Variants in PCDH17 observed in about 807,000 individuals in gnomAD.
The protein encoded by PCDH17 is protocadherin 17.
Under a neutral mutation model 67.7 loss-of-function variants are expected in PCDH17, and 21 were observed. The observed-to-expected ratio is 0.31, with a 90% CI of 0.22 to 0.45. The LOEUF (loss-of-function observed/expected upper bound fraction) is 0.45, where lower values mean the gene tolerates loss of function less well. Among genes scored for constraint, PCDH17 ranks in the 20% least tolerant of loss-of-function variants. The probability of loss-of-function intolerance (pLI) is 1.00; values close to 1 mark genes in which losing one functional copy is unlikely to be tolerated. For missense variants in PCDH17, 1,471 were observed against 1,564.8 expected (o/e 0.94, Z 1.01); for synonymous variants, 701 against 656.7 (o/e 1.07, Z -1.03).
In PCDH17 at chr13:57,724,907, G is replaced by C. The variant is rs1247269241; in HGVS notation, c.3093G>C (p.Glu1031Asp). The change falls in exon 4 of 4, where the codon GAG becomes GAC. Residue 1031 changes from glutamate (E) to aspartate (D), a missense_variant. This residue lies in a region of PCDH17 where 297 missense variants were observed against 298.6 expected (regional missense o/e 0.99). Transcript: ENST00000377918. ...GTGCCCTGAGCCCTCTCCTCCAAGA[G>C]GTCCCCTCAGCATCAAGCAGCCCAA... ...AKRALSPLLQ[E>D]VPSASSSPTK... 1.9e-6 allele frequency: 3 copies of C among 1,614,166 alleles called. No homozygotes were observed. The highest frequency in any genetic ancestry group is 2.5e-6 in the Non-Finnish European group (3 of 1,180,024).
chr13:57,718,294 AT>A (rs1219147695), intron 3 of PCDH17, among the ~76,000 whole-genome samples: 5 of 152,072 alleles, frequency 3.3e-5, no homozygotes, highest in African/African-American at 7.2e-5. Context: ...ATTCCAGGAA[AT>A]TTGTAATATT....
chr13:57,704,480 A>T (rs1160301314), intron 3 of PCDH17, among the ~76,000 whole-genome samples: 1 of 151,728 alleles, frequency 6.6e-6, no homozygotes, highest in Non-Finnish European at 1.5e-5. Flanking sequence ...CATCATAATG[A>T]TTGATAGATA....
At chr13:57,647,276 C>T (rs565047167) in intron 1 of PCDH17, among the ~76,000 whole-genome samples, 1 of 151,714 alleles carries the variant, frequency 6.6e-6, no homozygotes, top group African/African-American at 2.4e-5. Flanking sequence ...GAAGTATTAT[C>T]CAAAATACAT....
chr13:57,678,182 T>C (rs1372822210), intron 3 of PCDH17, among the ~76,000 whole-genome samples: 2 of 151,560 alleles, frequency 1.3e-5, no homozygotes, highest in African/African-American at 4.8e-5. Flanking sequence ...TCATATTGTA[T>C]ATGATAAATA....
intron 3 of PCDH17, among the ~76,000 whole-genome samples, chr13:57,673,905 T>C (rs1281113001): frequency 1.3e-5 from 2 of 151,848 alleles, no homozygotes; most frequent in East Asian, 3.9e-4. Context: ...GTTTTCTGGA[T>C]AAAGTGTTTC....
At chr13:57,635,370 T>G (rs1157267750) in intron 1 of PCDH17, among the ~76,000 whole-genome samples, 1 of 152,224 alleles carries the variant, frequency 6.6e-6, no homozygotes, top group African/African-American at 2.4e-5. Flanking sequence ...TTTAAAAATG[T>G]TAGCAGTGTT....
intron 1 of PCDH17, among the ~76,000 whole-genome samples, chr13:57,648,814 A>G (rs1954999941): frequency 6.6e-6 from 1 of 152,034 alleles, no homozygotes; most frequent in Admixed American, 6.6e-5. Flanking sequence ...GAAACTATTT[A>G]GTATTTCAGG....
intron 3 of PCDH17, among the ~76,000 whole-genome samples, chr13:57,672,384 G>T (rs1432733094): frequency 1.3e-5 from 2 of 151,998 alleles, no homozygotes; most frequent in East Asian, 1.9e-4. Context: ...TAGAGGTAAG[G>T]GTGGGGGAGG....
At chr13:57,719,038 G>A (rs1460660240) in intron 3 of PCDH17, among the ~76,000 whole-genome samples, 2 of 151,994 alleles carry the variant, frequency 1.3e-5, no homozygotes, top group Non-Finnish European at 2.9e-5. Context: ...CAGAACACTT[G>A]TGCAGACCGT....
At chr13:57,666,964 G>T (rs1206193746) in intron 3 of PCDH17, 131 bp downstream of exon 3, 1 of 691,104 alleles carries the variant, frequency 1.4e-6, no homozygotes, top group East Asian at 3.2e-5. Context: ...AGCAAATCTT[G>T]AGGTTGCCCC....
chr13:57,652,664 A>T (rs575209624), intron 1 of PCDH17, among the ~76,000 whole-genome samples: 1 of 152,352 alleles, frequency 6.6e-6, no homozygotes, highest in Admixed American at 6.5e-5. Context: ...TTGGATGCGT[A>T]CAATTGCTTC....
At chr13:57,648,775 G>A (rs1171492349) in intron 1 of PCDH17, among the ~76,000 whole-genome samples, 1 of 151,842 alleles carries the variant, frequency 6.6e-6, no homozygotes, top group Non-Finnish European at 1.5e-5. Context: ...CTAAAATCAC[G>A]TACCATGATA....
chr13:57,685,884 A>G (rs1470428044), intron 3 of PCDH17, among the ~76,000 whole-genome samples: 3 of 151,884 alleles, frequency 2.0e-5, no homozygotes, highest in African/African-American at 7.2e-5. Context: ...GCAGGAGTTC[A>G]AGACCAACCT....
intron 1 of PCDH17, among the ~76,000 whole-genome samples, chr13:57,657,663 G>C (rs1955123150): frequency 6.6e-6 from 1 of 152,212 alleles, no homozygotes; most frequent in Non-Finnish European, 1.5e-5. Context: ...GTGAAAAGCA[G>C]TGGCTTTGAA....
Position 57,633,667 on chromosome 13 carries a change from T to G in PCDH17, c.1121T>G (p.Val374Gly). ...AAPPGTVIAL[V>G]RVTDRDSGKN... Reference sequence around the variant, plus strand: ...CCTCCCGGCACCGTCATCGCCCTGGTGCGGGTCACTGACCGGGACTCTGGC... The same window carrying G: ...CCTCCCGGCACCGTCATCGCCCTGGGGCGGGTCACTGACCGGGACTCTGGC... Residue 374 changes from valine (V) to glycine (G), a missense_variant, in exon 1 of 4, where the codon GTG becomes GGG. Val to Gly is a moderately radical substitution (Grantham distance 109). This residue lies in a region of PCDH17 where 1,163 missense variants were observed against 1,230.0 expected (regional missense o/e 0.95). Transcript: ENST00000377918. The surrounding 1 kb of genome is among the most constrained non-coding windows in gnomAD (Gnocchi z 6.2). 6.2e-7 allele frequency: 1 copy of G among 1,606,020 alleles called. No individual in the cohort carries two copies. Among genetic ancestry groups the G allele is most frequent in the Non-Finnish European group, 8.5e-7 (1 of 1,179,880 alleles).
intron 3 of PCDH17, among the ~76,000 whole-genome samples, chr13:57,707,343 G>GTGTC (rs895705632): frequency 2.0e-5 from 3 of 148,174 alleles, no homozygotes; most frequent in South Asian, 2.1e-4. Context: ...CCGTGTGTGT[G>GTGTC]TGTGTGTGTG....
At chr13:57,641,558 G>GAAAAA (rs71209470) in intron 1 of PCDH17, among the ~76,000 whole-genome samples, 3 of 24,516 alleles carry the variant, frequency 1.2e-4, no homozygotes, top group Non-Finnish European at 2.3e-4. Flanking sequence ...GTGTTTGAGA[G>GAAAAA]AAAAAAAAAA....
In PCDH17 at chr13:57,697,827, C is replaced by T. The variant is rs538814824; in HGVS notation, c.2798-26785C>T. On this transcript the variant is annotated intron_variant, in intron 3 of 3. Coordinates refer to ENST00000377918, the MANE Select transcript of PCDH17 (RefSeq NM_001040429.3). ...GTTGGAAAAGGAGTCAGTAACAAAGCACAGAACCAAAACTCCTAGTTGGGG... is the reference window on the plus strand; with the variant it reads ...GTTGGAAAAGGAGTCAGTAACAAAGTACAGAACCAAAACTCCTAGTTGGGG... 1.0e-3 allele frequency among the ~76,000 whole-genome samples: 157 copies of T among 151,028 alleles called. 1 individual carries two copies. The highest frequency in any genetic ancestry group is 3.3e-3 in the Admixed American group (50 of 15,122).
At chr13:57,709,569 A>G (rs555648147) in intron 3 of PCDH17, 3 of 152,108 alleles carry the variant, frequency 2.0e-5, no homozygotes. Context: ...GAATTTTAAT[A>G]TAAAAGTTAA....
Sources: allele counts gnomAD v4.1 joint callset (sites outside exome capture counted in the v4.1 genomes callset), GRCh38; gene constraint gnomAD v4.1.1; regional missense constraint gnomAD v4.1.1; non-coding constraint Gnocchi (gnomAD v3.1); transcripts MANE v1.5; gene names NCBI Gene and HGNC (gene_info 2026-07-23, HGNC 2026-07-21).